Variants in SPOCK1 observed in about 807,000 individuals in gnomAD.
SPOCK1 encodes testican-1.
Under a neutral mutation model 55.3 loss-of-function variants are expected in SPOCK1, and 23 were observed. That is an observed-to-expected ratio of 0.42 (90% CI 0.30 to 0.59). SPOCK1 has a LOEUF of 0.59. Ranked by LOEUF, SPOCK1 falls within the 20% of genes least tolerant of loss-of-function variation. SPOCK1 has a pLI of 0.22. For synonymous variants in SPOCK1, 226 were observed against 221.0 expected, an observed-to-expected ratio of 1.02 and a Z score of -0.20; for missense variants, 499 against 552.5, an observed-to-expected ratio of 0.90 and a Z score of 0.97.
At chr5:137,187,570 G>A (rs1251257849) in intron 3 of SPOCK1, among the ~76,000 whole-genome samples, 1 of 152,002 alleles carries the variant, frequency 6.6e-6, no homozygotes, top group African/African-American at 2.4e-5. Flanking sequence ...CCTCCCATTT[G>A]CCATTGTTAT....
intron 2 of SPOCK1, among the ~76,000 whole-genome samples, chr5:137,334,951 G>T (rs370334729): frequency 6.6e-6 from 1 of 152,188 alleles, no homozygotes; most frequent in South Asian, 2.1e-4. Context: ...CTCAGAAAAA[G>T]AAGCCAAATG....
chr5:137,303,133 T>A (rs1252188298), intron 2 of SPOCK1, among the ~76,000 whole-genome samples: 1 of 152,186 alleles, frequency 6.6e-6, no homozygotes, highest in Non-Finnish European at 1.5e-5. Flanking sequence ...AGGCTTTTTG[T>A]GCCTCTGGGG....
chr5:137,323,105 G>T (rs1283954561), intron 2 of SPOCK1, among the ~76,000 whole-genome samples: 2 of 152,052 alleles, frequency 1.3e-5, no homozygotes, highest in Non-Finnish European at 2.9e-5. Context: ...GCTGCACTGG[G>T]GATTAAGTTT....
chr5:137,094,296 G>A (rs150389890), intron 5 of SPOCK1, among the ~76,000 whole-genome samples: 82 of 152,256 alleles, frequency 5.4e-4, no homozygotes, highest in African/African-American at 1.9e-3. Context: ...CCACTCAAAA[G>A]CTACTCTACA....
At chr5:137,345,115 G>A (rs1229735) in intron 2 of SPOCK1, among the ~76,000 whole-genome samples, 51,458 of 152,106 alleles carry the variant, frequency 0.34, 9,225 homozygotes, top group African/African-American at 0.47. Flanking sequence ...AACACCAGAC[G>A]TTAGGGGCAC....
intron 6 of SPOCK1, among the ~76,000 whole-genome samples, chr5:137,023,734 T>A (rs1751616290): frequency 6.6e-6 from 1 of 152,162 alleles, no homozygotes; most frequent in South Asian, 2.1e-4. Flanking sequence ...CAATTCTTTG[T>A]CAGCCTAAGT....
chr5:137,143,631 C>T (rs1754139856), intron 3 of SPOCK1, among the ~76,000 whole-genome samples: 2 of 152,178 alleles, frequency 1.3e-5, no homozygotes, highest in South Asian at 4.1e-4. Context: ...AGACCTGGAA[C>T]ATGCTAAGCA....
intron 6 of SPOCK1, among the ~76,000 whole-genome samples, chr5:137,057,656 T>C (rs1349621114): frequency 2.0e-5 from 3 of 152,234 alleles, no homozygotes. Context: ...CTTTGCTCTC[T>C]GCCCTGTCAA....
chr5:137,146,983 T>C (rs1321683049), intron 3 of SPOCK1, among the ~76,000 whole-genome samples: 3 of 152,194 alleles, frequency 2.0e-5, no homozygotes, highest in Admixed American at 1.3e-4. Flanking sequence ...TGACCAAAGA[T>C]AGCCCTCCTG....
At chr5:137,259,385 A>G (rs1189488752) in intron 3 of SPOCK1, among the ~76,000 whole-genome samples, 1 of 152,152 alleles carries the variant, frequency 6.6e-6, no homozygotes, top group Non-Finnish European at 1.5e-5. Context: ...AAACTAACAC[A>G]AGAACAGAAA....
chr5:136,992,250 C>A (rs774101775), intron 7 of SPOCK1, among the ~76,000 whole-genome samples: 2 of 152,080 alleles, frequency 1.3e-5, no homozygotes, highest in African/African-American at 4.8e-5. Context: ...CCAGAAAAAA[C>A]CTTAAAGTAT....
chr5:137,243,552 A>C (rs1272794760), intron 3 of SPOCK1, among the ~76,000 whole-genome samples: 1 of 152,204 alleles, frequency 6.6e-6, no homozygotes, highest in Non-Finnish European at 1.5e-5. Flanking sequence ...AGACTTATTC[A>C]TGTAAAAAAC....
At chr5:137,496,583 G>A (rs1175963651) in intron 2 of SPOCK1, among the ~76,000 whole-genome samples, 2 of 152,178 alleles carry the variant, frequency 1.3e-5, no homozygotes, top group African/African-American at 4.8e-5. Flanking sequence ...GCAAAGTCAA[G>A]CAACTGCCCT....
chr5:137,441,920 C>T (rs926710658), intron 2 of SPOCK1, among the ~76,000 whole-genome samples: 1 of 152,216 alleles, frequency 6.6e-6, no homozygotes, highest in Non-Finnish European at 1.5e-5. Context: ...AGCCAGAAAG[C>T]ATGTCCCCTG....
At chr5:137,100,431 A>G (rs1022218581) in intron 5 of SPOCK1, among the ~76,000 whole-genome samples, 1 of 152,250 alleles carries the variant, frequency 6.6e-6, no homozygotes, top group African/African-American at 2.4e-5. Context: ...AGAAAATGGT[A>G]GAAGACAACG....
At chr5:137,322,350 C>A (rs1164280303) in intron 2 of SPOCK1, among the ~76,000 whole-genome samples, 64 of 139,496 alleles carry the variant, frequency 4.6e-4, no homozygotes, top group African/African-American at 1.5e-3. Context: ...AAAAAAAAAA[C>A]ACACACACAC....
rs987603987 is a variant in SPOCK1, at chr5:137,046,420, G to C, written c.589+21295C>G. On this transcript the variant is annotated intron_variant, in intron 6 of 10. Transcript: ENST00000394945. ...CTCTTTGAAGCAATTGTGAATGGGA[G>C]TTCACTCATGATTTGGCTCTCCTGT... Among the ~76,000 whole-genome samples, 163 of 152,132 alleles carry C rather than the reference G, an allele frequency of 1.1e-3. 1 individual carries two copies. Among genetic ancestry groups the C allele is most frequent in the Non-Finnish European group, 4.9e-4 (33 of 68,014 alleles).
chr5:137,287,495 C>T (rs1333578162), intron 2 of SPOCK1, among the ~76,000 whole-genome samples: 1 of 152,206 alleles, frequency 6.6e-6, no homozygotes, highest in East Asian at 1.9e-4. Context: ...TACTCAGAAT[C>T]GTCTCCCTGA....
At chr5:137,173,886 A>G (rs1184947972) in intron 3 of SPOCK1, among the ~76,000 whole-genome samples, 2 of 152,214 alleles carry the variant, frequency 1.3e-5, no homozygotes, top group East Asian at 1.9e-4. Context: ...AAATCTGTGT[A>G]TCCTTGTTAT....
Sources: gnomAD v4.1 joint callset for allele counts (sites outside exome capture counted in the v4.1 genomes callset) on GRCh38, gnomAD v4.1.1 for gene constraint, MANE v1.5 for transcripts, NCBI Gene and HGNC (gene_info 2026-07-23, HGNC 2026-07-21) for gene names.